Variants in MYO1D observed in about 807,000 individuals in gnomAD.
MYO1D encodes myosin ID.
In MYO1D, 83 loss-of-function variants were observed where a neutral mutation model predicts 122.0. The ratio of observed to expected loss-of-function variants is 0.68; its 90% confidence interval spans 0.57 to 0.82. The LOEUF is 0.82. Among genes scored for constraint, MYO1D ranks in the 40% least tolerant of loss-of-function variants. MYO1D has a pLI of 0.00. For synonymous variants in MYO1D, 464 were observed against 446.9 expected (o/e 1.04, Z -0.48); for missense variants, 1,157 against 1,269.5 (o/e 0.91, Z 1.35).
chr17:32,714,062 A>C (rs1256763765), intron 15 of MYO1D, among the ~76,000 whole-genome samples: 2 of 147,960 alleles, frequency 1.4e-5, no homozygotes, highest in Non-Finnish European at 3.0e-5. Context: ...TTTTTTTTTA[A>C]TAATTATTTT....
At chr17:32,512,264 C>T (rs1336239241) in intron 21 of MYO1D, among the ~76,000 whole-genome samples, 1 of 151,734 alleles carries the variant, frequency 6.6e-6, no homozygotes, top group African/African-American at 2.4e-5. Context: ...GGCGCCACTG[C>T]CTTCCAGCCT....
intron 20 of MYO1D, among the ~76,000 whole-genome samples, chr17:32,624,344 G>A (rs907130935): frequency 1.1e-4 from 16 of 150,840 alleles, no homozygotes; most frequent in African/African-American, 3.2e-4. Flanking sequence ...TAACCATTGC[G>A]CCCGGCCGGC....
intron 21 of MYO1D, among the ~76,000 whole-genome samples, chr17:32,560,024 A>C (rs1326869464): frequency 2.0e-5 from 3 of 152,230 alleles, no homozygotes; most frequent in Non-Finnish European, 4.4e-5. Flanking sequence ...TGGGAGGCCA[A>C]GGCGGGCAGA....
Position 32,493,068 on chromosome 17 carries a change from T to G in MYO1D, c.*1691A>C, listed in dbSNP as rs967257458. ...TGTGTCTAGTGTAAAGCAACAAGTT[T>G]GAGGAAATAAGTGGAAGGAGAGAGG... On this transcript the variant is annotated 3_prime_UTR_variant, in exon 22 of 22. Transcript: ENST00000318217. The G allele has an allele frequency of 2.0e-5, 3 of 152,602 alleles. No individual in the cohort carries two copies. Among genetic ancestry groups the G allele is most frequent in the Admixed American group, 2.0e-4 (3 of 15,280 alleles). The allele number at this position is 152,602 out of a possible 1,614,324, so 9.5% of individuals were successfully genotyped here.
At chr17:32,628,495 T>A (rs1303921614) in intron 20 of MYO1D, among the ~76,000 whole-genome samples, 1 of 152,198 alleles carries the variant, frequency 6.6e-6, no homozygotes, top group East Asian at 1.9e-4. Flanking sequence ...TGAATAATTC[T>A]CGCTAATGGA....
intron 21 of MYO1D, among the ~76,000 whole-genome samples, chr17:32,588,066 C>T (rs1460205595): frequency 6.6e-6 from 1 of 152,154 alleles, no homozygotes; most frequent in African/African-American, 2.4e-5. Flanking sequence ...AATTAGTCAT[C>T]TGGCAAATTT....
chr17:32,769,918 G>A lies in MYO1D; in HGVS notation c.714+1207C>T, dbSNP rs187242852. Among the ~76,000 whole-genome samples the A allele has an allele frequency of 2.4e-3, 366 of 152,222 alleles. 4 individuals carry two copies. The highest frequency in any genetic ancestry group is 7.3e-3 in the African/African-American group (303 of 41,546). On this transcript the variant is annotated intron_variant, in intron 6 of 21. Transcript: ENST00000318217. ...TTTCTGTGGGGACTCTACACGACTTGGTCAAAAGTAACTTAGTCGATAAGA... is the reference window on the plus strand; with the variant it reads ...TTTCTGTGGGGACTCTACACGACTTAGTCAAAAGTAACTTAGTCGATAAGA...
At chr17:32,632,951 C>T in intron 20 of MYO1D, among the ~76,000 whole-genome samples, 1 of 151,938 alleles carries the variant, frequency 6.6e-6, no homozygotes, top group East Asian at 1.9e-4. Flanking sequence ...AAAATGATCT[C>T]CCCCGCACAG....
In MYO1D at chr17:32,814,141, C is replaced by T. The variant is rs374731663; in HGVS notation, c.96-33357G>A. Among the ~76,000 whole-genome samples the T allele has an allele frequency of 3.9e-5, 6 of 152,212 alleles. No homozygotes were observed. The South Asian group carries it at 1.0e-3, about 26-fold the overall frequency. Reference sequence around the variant, plus strand: ...TGGGCAGATCATGAGGTCAAGAGATCGAGACCATCCTGGTCAACATGGTAA... The same window carrying T: ...TGGGCAGATCATGAGGTCAAGAGATTGAGACCATCCTGGTCAACATGGTAA... On this transcript the variant is annotated intron_variant, in intron 1 of 21. Coordinates refer to ENST00000318217, the MANE Select transcript of MYO1D (RefSeq NM_015194.3).
chr17:32,854,643 T>A (rs768952095), intron 1 of MYO1D, among the ~76,000 whole-genome samples: 5 of 152,208 alleles, frequency 3.3e-5, no homozygotes, highest in Admixed American at 2.0e-4. Context: ...ACAGACCAAC[T>A]GGGCCAGGTT....
chr17:32,746,540 G>A (rs780280960), intron 12 of MYO1D, among the ~76,000 whole-genome samples: 5 of 151,924 alleles, frequency 3.3e-5, no homozygotes, highest in Non-Finnish European at 5.9e-5. Flanking sequence ...CACTGTTATT[G>A]TATACATGTA....
chr17:32,609,509 T>G (rs947486578), intron 20 of MYO1D, among the ~76,000 whole-genome samples: 41 of 152,206 alleles, frequency 2.7e-4, no homozygotes, highest in African/African-American at 9.9e-4. Context: ...AGATTTGCAG[T>G]GTCACTTAGT....
At chr17:32,606,584 G>A (rs531884629) in intron 20 of MYO1D, among the ~76,000 whole-genome samples, 1 of 152,114 alleles carries the variant, frequency 6.6e-6, no homozygotes, top group African/African-American at 2.4e-5. Flanking sequence ...AAAATGACAG[G>A]ATAACAAAGA....
chr17:32,762,594 C>T (rs34319525), intron 8 of MYO1D, among the ~76,000 whole-genome samples: 3,826 of 152,192 alleles, frequency 0.025, 81 homozygotes, highest in Non-Finnish European at 0.041. Context: ...TGCAAACTTG[C>T]CAGGTGCAGT....
chr17:32,641,340 G>A (rs1461565794), intron 19 of MYO1D, among the ~76,000 whole-genome samples: 1 of 151,790 alleles, frequency 6.6e-6, no homozygotes, highest in African/African-American at 2.4e-5. Context: ...TATCATTGTT[G>A]GACATTTGGG....
At chr17:32,819,923 G>A (rs1423714908) in intron 1 of MYO1D, among the ~76,000 whole-genome samples, 5 of 152,188 alleles carry the variant, frequency 3.3e-5, no homozygotes, top group Admixed American at 2.0e-4. Context: ...TAGACAACAT[G>A]CATAGTACTT....
intron 21 of MYO1D, among the ~76,000 whole-genome samples, chr17:32,543,373 G>A (rs551319082): frequency 2.6e-5 from 4 of 151,360 alleles, no homozygotes; most frequent in South Asian, 2.1e-4. Context: ...TTAGGAGATC[G>A]AGACCATCCT....
chr17:32,558,027 C>T (rs1175490888), intron 21 of MYO1D, among the ~76,000 whole-genome samples: 1 of 151,972 alleles, frequency 6.6e-6, no homozygotes, highest in African/African-American at 2.4e-5. Context: ...AAATATTAAA[C>T]CTCTCTTGAG....
At chr17:32,655,021 T>A (rs2543967) in intron 17 of MYO1D, among the ~76,000 whole-genome samples, 101,839 of 152,060 alleles carry the variant, frequency 0.67, 34,332 homozygotes, top group Middle Eastern at 0.74. Flanking sequence ...TTAAGTAGAA[T>A]GAAATCAAAG....
Sources: allele counts gnomAD v4.1 joint callset (sites outside exome capture counted in the v4.1 genomes callset), GRCh38; gene constraint gnomAD v4.1.1; transcripts MANE v1.5; gene names NCBI Gene and HGNC (gene_info 2026-07-23, HGNC 2026-07-21).